Variants in GSG1L observed in about 807,000 individuals in gnomAD.
GSG1L encodes GSG1 like.
Under a neutral mutation model 42.1 loss-of-function variants are expected in GSG1L, and 24 were observed. That is an observed-to-expected ratio of 0.57 (90% CI 0.41 to 0.80). The LOEUF (loss-of-function observed/expected upper bound fraction) is 0.80. GSG1L is among the 30% of genes least tolerant of loss of function. GSG1L has a pLI of 0.00. For missense variants in GSG1L, 445 were observed against 472.2 expected, an observed-to-expected ratio of 0.94 and a Z score of 0.53; for synonymous variants, 215 against 203.5, an observed-to-expected ratio of 1.06 and a Z score of -0.48.
At chr16:27,889,862 A>G (rs1644585) in intron 2 of GSG1L, among the ~76,000 whole-genome samples, 90,969 of 152,060 alleles carry the variant, frequency 0.6, 27,830 homozygotes, top group Admixed American at 0.72. Context: ...GATCTTAGAC[A>G]CAAAAATTTA....
At chr16:28,055,610 T>TA (rs2086270530) in intron 1 of GSG1L, among the ~76,000 whole-genome samples, 2 of 152,294 alleles carry the variant, frequency 1.3e-5, no homozygotes, top group African/African-American at 4.8e-5. Context: ...TAGCTGGGAC[T>TA]ACAGCTGCCT....
intron 2 of GSG1L, among the ~76,000 whole-genome samples, chr16:27,901,740 C>A (rs1227763598): frequency 6.6e-6 from 1 of 152,236 alleles, no homozygotes. Context: ...CCTCCTGCAA[C>A]CTTCTGGTGA....
At chr16:27,924,887 G>A (rs2084573779) in intron 2 of GSG1L, among the ~76,000 whole-genome samples, 1 of 152,160 alleles carries the variant, frequency 6.6e-6, no homozygotes, top group Admixed American at 6.5e-5. Context: ...AGTGGAAGAA[G>A]AGGTCGACTC....
chr16:27,800,483 G>A (rs997675912), intron 6 of GSG1L, among the ~76,000 whole-genome samples: 1 of 152,164 alleles, frequency 6.6e-6, no homozygotes, highest in Non-Finnish European at 1.5e-5. Context: ...GCAAACCTCA[G>A]TCGCCCCTGA....
At chr16:27,932,166 C>A (rs991868476) in intron 2 of GSG1L, among the ~76,000 whole-genome samples, 3 of 152,154 alleles carry the variant, frequency 2.0e-5, no homozygotes, top group Non-Finnish European at 2.9e-5. Flanking sequence ...AATTCTCATA[C>A]CTCGGCCTCC....
At chr16:27,946,678 AAG>A (rs2084876081) in intron 2 of GSG1L, among the ~76,000 whole-genome samples, 1 of 148,884 alleles carries the variant, frequency 6.7e-6, no homozygotes, top group Non-Finnish European at 1.5e-5. Context: ...GAAAGAAAGA[AAG>A]AAAGAAAGAA....
intron 1 of GSG1L, among the ~76,000 whole-genome samples, chr16:28,023,545 C>T (rs928834629): frequency 7.9e-5 from 12 of 152,210 alleles, no homozygotes; most frequent in African/African-American, 2.7e-4. Context: ...CCATTGTGGT[C>T]GGGCCAGTTC....
intron 6 of GSG1L, among the ~76,000 whole-genome samples, chr16:27,803,210 G>A (rs1041179039): frequency 1.3e-5 from 2 of 151,906 alleles, no homozygotes; most frequent in Admixed American, 6.6e-5. Flanking sequence ...CCAGCTCCAC[G>A]GTGGTGCACA....
intron 2 of GSG1L, among the ~76,000 whole-genome samples, chr16:27,906,917 T>A (rs1306901509): frequency 6.6e-6 from 1 of 152,124 alleles, no homozygotes; most frequent in East Asian, 1.9e-4. Flanking sequence ...CTGCCCCTCC[T>A]GTGCCCTGGG....
At chr16:27,890,995 G>A (rs1461045748) in intron 2 of GSG1L, among the ~76,000 whole-genome samples, 1 of 152,186 alleles carries the variant, frequency 6.6e-6, no homozygotes, top group East Asian at 1.9e-4. Flanking sequence ...TCCACCTGCT[G>A]GCGCCTGTGT....
intron 3 of GSG1L, among the ~76,000 whole-genome samples, chr16:27,882,832 G>A (rs942677533): frequency 3.9e-5 from 6 of 152,310 alleles, no homozygotes; most frequent in East Asian, 1.9e-4. Context: ...TTGGCCAGAC[G>A]TGGTGGCTCA....
At chr16:27,861,997 G>A (rs1323346143) in intron 3 of GSG1L, among the ~76,000 whole-genome samples, 1 of 152,122 alleles carries the variant, frequency 6.6e-6, no homozygotes, top group Non-Finnish European at 1.5e-5. Context: ...CCAAGTGGAC[G>A]GGTTGCACAC....
intron 4 of GSG1L, among the ~76,000 whole-genome samples, chr16:27,840,770 T>C (rs1265227024): frequency 6.6e-6 from 1 of 152,196 alleles, no homozygotes; most frequent in Non-Finnish European, 1.5e-5. Flanking sequence ...CTGGGTCTCC[T>C]GGAACACTCA....
chr16:27,968,722 A>G (rs1266616714), intron 1 of GSG1L, among the ~76,000 whole-genome samples: 1 of 152,214 alleles, frequency 6.6e-6, no homozygotes, highest in East Asian at 1.9e-4. Context: ...GGGCACCTCA[A>G]TAATATTTAA....
intron 3 of GSG1L, among the ~76,000 whole-genome samples, chr16:27,854,152 C>T (rs549153818): frequency 2.0e-5 from 3 of 149,726 alleles, no homozygotes; most frequent in Non-Finnish European, 3.0e-5. Context: ...TAAAGTTGCT[C>T]GCCTGGAGGG....
At chr16:27,862,881 G>A (rs1430093166) in intron 3 of GSG1L, among the ~76,000 whole-genome samples, 1 of 151,942 alleles carries the variant, frequency 6.6e-6, no homozygotes, top group Non-Finnish European at 1.5e-5. Flanking sequence ...AACATATTTT[G>A]TTTATGTTCT....
Position 27,884,058 on chromosome 16 carries a change from C to T in GSG1L, c.550+428G>A, listed in dbSNP as rs1177392992. Among the ~76,000 whole-genome samples the T allele has an allele frequency of 4.1e-4, 62 of 152,200 alleles. No individual in the cohort carries two copies. Among genetic ancestry groups the T allele is most frequent in the Non-Finnish European group, 4.4e-5 (3 of 68,044 alleles). Reference sequence around the variant, plus strand: ...CAGATGAGCTCAGGAAGAGGAGCGACGTGCCCTCCACCCCAAAGTGGCTTC... The same window carrying T: ...CAGATGAGCTCAGGAAGAGGAGCGATGTGCCCTCCACCCCAAAGTGGCTTC... On this transcript the variant is annotated intron_variant, in intron 3 of 6. Coordinates refer to ENST00000447459, the MANE Select transcript of GSG1L (RefSeq NM_001109763.2). The surrounding 1 kb of genome is among the most constrained non-coding windows in gnomAD (Gnocchi z 4.4).
chr16:27,856,553 G>A (rs954493628), intron 3 of GSG1L, among the ~76,000 whole-genome samples: 2 of 152,122 alleles, frequency 1.3e-5, no homozygotes, highest in African/African-American at 2.4e-5. Flanking sequence ...TGGCTCAAGT[G>A]ATCCCACCTC....
intron 3 of GSG1L, among the ~76,000 whole-genome samples, chr16:27,883,038 G>A (rs1332577383): frequency 6.7e-6 from 1 of 150,152 alleles, no homozygotes; most frequent in Non-Finnish European, 1.5e-5. Context: ...AGTATCGCTT[G>A]AGCCCTGAAG....
Sources: allele counts gnomAD v4.1 joint callset (sites outside exome capture counted in the v4.1 genomes callset), GRCh38; gene constraint gnomAD v4.1.1; non-coding constraint Gnocchi (gnomAD v3.1); transcripts MANE v1.5; gene names NCBI Gene and HGNC (gene_info 2026-07-23, HGNC 2026-07-21).